Variants in GOLGA4 observed in about 807,000 individuals in gnomAD.
The protein encoded by GOLGA4 is golgin subfamily A member 4.
Under a neutral mutation model 265.9 loss-of-function variants are expected in GOLGA4, and 169 were observed. The ratio of observed to expected loss-of-function variants is 0.64; its 90% CI spans 0.56 to 0.72. GOLGA4 has a LOEUF of 0.72. Among genes scored for constraint, GOLGA4 ranks in the 30% least tolerant of loss-of-function variants. The pLI, the probability that GOLGA4 is intolerant of heterozygous loss-of-function variation, is 0.00. For synonymous variants in GOLGA4, 923 were observed against 855.8 expected (o/e 1.08, Z -1.37); for missense variants, 2,482 against 2,483.4 (o/e 1.00, Z 0.01).
At position 37,324,547 on chromosome 3, in the gene GOLGA4, C is replaced by G; in HGVS notation, c.2661C>G (p.Val887=). 1.2e-6 allele frequency: 2 copies of G among 1,613,748 alleles called. No homozygotes were observed. The highest frequency in any genetic ancestry group is 4.5e-5 in the East Asian group (2 of 44,862). The change falls in exon 14 of 24, where the codon GTC becomes GTG. Residue 887 remains valine, a synonymous_variant. Transcript: ENST00000361924. ...AAAAAGTAAAATCTTTAACCCAAGT[C>G]TATGAGTCCAAACTTGAAGATGGTA... The part of the protein sequence containing the change: ...MEQKVKSLTQ[V]YESKLEDGNK...
chr3:37,326,665 A>C lies in GOLGA4; in HGVS notation c.4779A>C (p.Gln1593His), dbSNP rs762768148. 1.9e-6 allele frequency: 3 copies of C among 1,611,766 alleles called. No individual in the cohort carries two copies. Among genetic ancestry groups the C allele is most frequent in the Admixed American group, 1.7e-5 (1 of 59,722 alleles). Residue 1593 changes from glutamine to histidine, a missense_variant, in exon 14 of 24, where the codon CAA (glutamine) becomes CAC (histidine). Physicochemically the swap from Gln to His is conservative, Grantham distance 24. Transcript: ENST00000361924. The stretch of plus-strand genomic sequence containing the variant: ...AAAAAATCTTAACACTTGAAAACCA[A>C]GTTTATTCCATGAAAGCTGAACTTG... ...AEEKILTLEN[Q>H]VYSMKAELET...
At chr3:37,296,601 C>T (rs765669151) in intron 7 of GOLGA4, among the ~76,000 whole-genome samples, 1 of 152,144 alleles carries the variant, frequency 6.6e-6, no homozygotes, top group African/African-American at 2.4e-5. Context: ...GATGGTGTCT[C>T]ACTCTATTGC....
In GOLGA4 at chr3:37,323,984, C is replaced by G; in HGVS notation, c.2098C>G (p.Arg700Gly). The G allele has an allele frequency of 2.5e-6, 4 of 1,613,516 alleles. No homozygotes were observed. Among genetic ancestry groups the G allele is most frequent in the East Asian group, 2.2e-5 (1 of 44,870 alleles). Residue 700 changes from arginine (R) to glycine (G), a missense_variant, in exon 14 of 24, where the codon CGT (arginine) becomes GGT (glycine). This residue lies in a region of GOLGA4 where 1,536 missense variants were observed against 1,483.7 expected (regional missense o/e 1.04). Coordinates refer to ENST00000361924, the MANE Select transcript of GOLGA4 (RefSeq NM_002078.5). ...TGAACTGTCAGAAGTATTAAAAGCCCGTCACAAACTAGAAGAGGAACTTTC... is the reference window on the plus strand; with the variant it reads ...TGAACTGTCAGAAGTATTAAAAGCCGGTCACAAACTAGAAGAGGAACTTTC... Reference protein sequence around the residue: ...SSELSEVLKARHKLEEELSVL... With the variant: ...SSELSEVLKAGHKLEEELSVL...
At chr3:37,348,590 A>G (rs1411264125) in intron 21 of GOLGA4, among the ~76,000 whole-genome samples, 1 of 152,168 alleles carries the variant, frequency 6.6e-6, no homozygotes, top group Non-Finnish European at 1.5e-5. Flanking sequence ...GAGGTGGGAT[A>G]GATAGTTTAA....
chr3:37,261,823 G>T (rs76868017), intron 2 of GOLGA4, among the ~76,000 whole-genome samples: 1,604 of 152,148 alleles, frequency 0.011, 22 homozygotes, highest in African/African-American at 0.034. Flanking sequence ...ATCGAATCCA[G>T]CCTCACATTA....
chr3:37,276,183 A>G lies in GOLGA4; in HGVS notation c.163-5775A>G, dbSNP rs1388243111. The G allele has an allele frequency of 4.4e-6, 7 of 1,589,752 alleles. No individual in the cohort carries two copies. The African/African-American group carries it at 8.0e-5, about 18-fold the overall frequency. On this transcript the variant is annotated intron_variant, in intron 2 of 23. Coordinates refer to ENST00000361924, the MANE Select transcript of GOLGA4 (RefSeq NM_002078.5). ...GATGACTACATTGCAATTGGAGCTG[A>G]TGAGGAAGAATTAGGATCTCAAATT...
intron 12 of GOLGA4, chr3:37,319,402 C>CT (rs543378349): frequency 2.0e-4 from 63 of 321,606 alleles, no homozygotes; most frequent in South Asian, 1.4e-3. Context: ...AACACACTTT[C>CT]TTTTTTTTAT....
At chr3:37,335,310 CAGAT>C in intron 17 of GOLGA4, 144 bp downstream of exon 17, 2 of 575,744 alleles carry the variant, frequency 3.5e-6, no homozygotes, top group African/African-American at 1.9e-5. Flanking sequence ...GTTTTATAGA[CAGAT>C]AAACTAAATG....
At chr3:37,304,151 A>T (rs1393824877) in intron 10 of GOLGA4, among the ~76,000 whole-genome samples, 1 of 152,208 alleles carries the variant, frequency 6.6e-6, no homozygotes, top group East Asian at 1.9e-4. Context: ...AATATAAGAT[A>T]TGTTTCAAGA....
Position 37,345,763 on chromosome 3 carries a change from A to G in GOLGA4, c.6473-1430A>G, listed in dbSNP as rs141740480. On this transcript the variant is annotated intron_variant, in intron 20 of 23. Coordinates refer to ENST00000361924, the MANE Select transcript of GOLGA4 (RefSeq NM_002078.5). ...GGAGTTCAAGACCAGCCTGACCAACATGGTGGAACCCTGTCTCTACTAAAA... is the reference window on the plus strand; with the variant it reads ...GGAGTTCAAGACCAGCCTGACCAACGTGGTGGAACCCTGTCTCTACTAAAA... Among the ~76,000 whole-genome samples, 349 of 152,268 alleles carry G rather than the reference A, an allele frequency of 2.3e-3. 7 individuals carry two copies. The highest frequency in any genetic ancestry group is 0.019 in the Admixed American group (287 of 15,290).
At chr3:37,337,242 C>A in intron 18 of GOLGA4, 79 bp downstream of exon 18, 1 of 782,208 alleles carries the variant, frequency 1.3e-6, no homozygotes, top group Non-Finnish European at 2.1e-6. Context: ...GGCTGTTGCC[C>A]AGGCTGGAGT....
At position 37,366,330 on chromosome 3, in the gene GOLGA4, T is replaced by C; in HGVS notation, c.*284T>C. The C allele has an allele frequency of 4.9e-6, 2 of 408,274 alleles. No homozygotes were observed. The highest frequency in any genetic ancestry group is 8.6e-6 in the Non-Finnish European group (2 of 231,936). The allele number at this position is 408,274 out of a possible 1,614,324, so 25.3% of individuals were successfully genotyped here. A position where few individuals can be genotyped will look rare whatever the true frequency, so the allele number is the denominator to read the frequency against. On this transcript the variant is annotated 3_prime_UTR_variant, in exon 24 of 24. Transcript: ENST00000361924. Reference sequence around the variant, plus strand: ...AGAGTTTTATGTTGTTTAAAAGATATTTTGATAACTTAACCTGCTTTATGG... The same window carrying C: ...AGAGTTTTATGTTGTTTAAAAGATACTTTGATAACTTAACCTGCTTTATGG...
At chr3:37,323,357 G>T (rs949218624) in intron 13 of GOLGA4, among the ~76,000 whole-genome samples, 1 of 151,934 alleles carries the variant, frequency 6.6e-6, no homozygotes, top group East Asian at 1.9e-4. Flanking sequence ...TCAAACTCCC[G>T]GCTTCAAGTG....
At chr3:37,274,922 A>G (rs1479740192) in intron 2 of GOLGA4, among the ~76,000 whole-genome samples, 1 of 151,706 alleles carries the variant, frequency 6.6e-6, no homozygotes, top group African/African-American at 2.4e-5. Flanking sequence ...ATTGTCTAAC[A>G]AATGTTTAGG....
At chr3:37,330,777 C>T (rs2096987447) in intron 16 of GOLGA4, among the ~76,000 whole-genome samples, 1 of 152,036 alleles carries the variant, frequency 6.6e-6, no homozygotes, top group Admixed American at 6.5e-5. Context: ...CCTGTAATTC[C>T]AGCACTTTGG....
At position 37,296,210 on chromosome 3, in the gene GOLGA4, G is replaced by A. The variant is rs756452308; in HGVS notation, c.805G>A (p.Glu269Lys). The A allele has an allele frequency of 7.4e-6, 12 of 1,613,984 alleles. No individual in the cohort carries two copies. The highest frequency in any genetic ancestry group is 2.2e-5 in the East Asian group (1 of 44,898). Reference protein sequence around the residue: ...TKEENPESDGEPVVEDGTSVK... With the variant: ...TKEENPESDGKPVVEDGTSVK... ...AGAAGAGAATCCAGAAAGTGATGGA[G>A]AGCCAGTAGGTAAGCTTCATTTTGT... Residue 269 changes from glutamate (E) to lysine (K), a missense_variant, in exon 7 of 24, where the codon GAG (glutamate) becomes AAG (lysine). This residue lies in a region of GOLGA4 where 1,536 missense variants were observed against 1,483.7 expected (regional missense o/e 1.04). Coordinates refer to ENST00000361924, the MANE Select transcript of GOLGA4 (RefSeq NM_002078.5).
chr3:37,299,336 G>C lies in GOLGA4; in HGVS notation c.1051G>C (p.Ala351Pro). The C allele has an allele frequency of 1.2e-6, 2 of 1,613,350 alleles. No homozygotes were observed. Among genetic ancestry groups the C allele is most frequent in the Non-Finnish European group, 1.7e-6 (2 of 1,179,396 alleles). The change falls in exon 9 of 24, where the codon GCA becomes CCA. Residue 351 changes from alanine to proline, a missense_variant. By Grantham distance (27) the Ala-to-Pro change is conservative (BLOSUM62 -1). Transcript: ENST00000361924. Reference sequence around the variant, plus strand: ...TAAACTTATCACTCAGTTGCGTGATGCAAAGAACTTAATTGAACAGCTTGA... The same window carrying C: ...TAAACTTATCACTCAGTTGCGTGATCCAAAGAACTTAATTGAACAGCTTGA... ...KTKLITQLRD[A>P]KNLIEQLEQD... is the part of the protein sequence containing the mutation.
At chr3:37,315,116 C>T (rs1011140633) in intron 10 of GOLGA4, among the ~76,000 whole-genome samples, 1 of 152,100 alleles carries the variant, frequency 6.6e-6, no homozygotes, top group African/African-American at 2.4e-5. Flanking sequence ...ATGTACTATC[C>T]ATAAGGAAAC....
intron 2 of GOLGA4, among the ~76,000 whole-genome samples, chr3:37,259,310 C>G (rs1489158619): frequency 6.6e-6 from 1 of 152,174 alleles, no homozygotes; most frequent in Non-Finnish European, 1.5e-5. Context: ...CTGTAAGGAA[C>G]TGTAGCCTAA....
Sources: gnomAD v4.1 joint callset for allele counts (sites outside exome capture counted in the v4.1 genomes callset) on GRCh38, gnomAD v4.1.1 for gene constraint, gnomAD v4.1.1 regional missense constraint, MANE v1.5 for transcripts, NCBI Gene and HGNC (gene_info 2026-07-23, HGNC 2026-07-21) for gene names.